Variants in SDCCAG8 observed in about 807,000 individuals in gnomAD.
SDCCAG8 encodes SHH signaling and ciliogenesis regulator SDCCAG8.
In SDCCAG8, 74 loss-of-function variants were observed where a neutral mutation model predicts 101.8. The ratio of observed to expected loss-of-function variants is 0.73; its 90% confidence interval spans 0.60 to 0.88. The LOEUF (loss-of-function observed/expected upper bound fraction) is 0.88, where lower values mean the gene tolerates loss of function less well. SDCCAG8 is among the 40% of genes least tolerant of loss of function. The probability of loss-of-function intolerance (pLI) is 0.00; values close to 1 mark genes in which losing one functional copy is unlikely to be tolerated. For synonymous variants in SDCCAG8, 281 were observed against 292.9 expected, an observed-to-expected ratio of 0.96 and a Z score of 0.41; for missense variants, 787 against 822.6, an observed-to-expected ratio of 0.96 and a Z score of 0.53.
intron 1 of SDCCAG8, among the ~76,000 whole-genome samples, chr1:243,268,406 G>C (rs1245313076): frequency 1.3e-5 from 2 of 152,128 alleles, no homozygotes; most frequent in African/African-American, 2.4e-5. Context: ...CCAAAACCAG[G>C]AATGCGTCTT....
chr1:243,480,702 T>TGGAG (rs1663485881), intron 16 of SDCCAG8, among the ~76,000 whole-genome samples: 1 of 23,422 alleles, frequency 4.3e-5, no homozygotes, highest in African/African-American at 1.8e-4. Flanking sequence ...ATGGGTGGGA[T>TGGAG]GGATGGATGG....
intron 15 of SDCCAG8, among the ~76,000 whole-genome samples, chr1:243,418,831 G>A (rs1183103264): frequency 6.6e-6 from 1 of 152,018 alleles, no homozygotes; most frequent in East Asian, 1.9e-4. Flanking sequence ...ACTTTAAATT[G>A]AACTATAGAA....
chr1:243,388,538 T>C (rs2078463892), intron 13 of SDCCAG8, among the ~76,000 whole-genome samples: 1 of 151,980 alleles, frequency 6.6e-6, no homozygotes, highest in Non-Finnish European at 1.5e-5. Flanking sequence ...ACCAAGTATC[T>C]GCACTGTTGC....
chr1:243,327,933 C>T (rs967159634), intron 9 of SDCCAG8, among the ~76,000 whole-genome samples: 6 of 152,266 alleles, frequency 3.9e-5, no homozygotes, highest in East Asian at 1.9e-4. Context: ...GATGGAGTCT[C>T]GCTCTGTCGC....
intron 13 of SDCCAG8, among the ~76,000 whole-genome samples, chr1:243,392,438 C>T (rs981968540): frequency 1.3e-5 from 2 of 152,144 alleles, no homozygotes; most frequent in African/African-American, 4.8e-5. Flanking sequence ...AGCTCTGTGC[C>T]CTAGGGGCTC....
intron 16 of SDCCAG8, among the ~76,000 whole-genome samples, chr1:243,434,469 T>C (rs543662082): frequency 1.3e-5 from 2 of 152,378 alleles, no homozygotes; most frequent in Admixed American, 1.3e-4. Context: ...TATATGTTGC[T>C]AGAAAAGAAT....
intron 16 of SDCCAG8, among the ~76,000 whole-genome samples, chr1:243,439,591 C>A (rs1170920689): frequency 6.8e-6 from 1 of 147,448 alleles, no homozygotes; most frequent in African/African-American, 2.5e-5. Flanking sequence ...CGCCACTGCA[C>A]CCCAGCCTGG....
chr1:243,256,428 G>T (rs1394067842), intron 1 of SDCCAG8, among the ~76,000 whole-genome samples, 188 bp downstream of exon 1: 1 of 152,232 alleles, frequency 6.6e-6, no homozygotes, highest in East Asian at 1.9e-4. Flanking sequence ...AAGCAACGAT[G>T]TTTCCTCAGA....
chr1:243,324,520 G>A (rs2074006495), intron 9 of SDCCAG8, among the ~76,000 whole-genome samples: 2 of 143,632 alleles, frequency 1.4e-5, no homozygotes, highest in Admixed American at 1.4e-4. Context: ...GCTCAGTGGT[G>A]CGGTCATATC....
At chr1:243,317,913 G>A in intron 9 of SDCCAG8, 1 of 387,864 alleles carries the variant, frequency 2.6e-6, no homozygotes, top group Non-Finnish European at 5.1e-6. Context: ...GGATAGCACT[G>A]GTCTAAACCA....
At position 243,314,671 on chromosome 1, in the gene SDCCAG8, GTGGATCTGTCTGTT is replaced by G. The variant is rs752456255; in HGVS notation, c.930-2081_930-2068del. ...AAGTTTGTTAGATTTTTATCCTGTT[GTGGATCTGTCTGTT>G]TGCATACTTATAAACACTGAGCTTT... On this transcript the variant is annotated intron_variant, in intron 8 of 17. Transcript: ENST00000366541. Among the ~76,000 whole-genome samples, 145 of 152,302 alleles carry G rather than the reference GTGGATCTGTCTGTT, an allele frequency of 9.5e-4. 1 individual carries two copies. The highest frequency in any genetic ancestry group is 3.4e-3 in the Middle Eastern group (1 of 294).
At chr1:243,368,402 T>C (rs1347710497) in intron 12 of SDCCAG8, among the ~76,000 whole-genome samples, 1 of 152,162 alleles carries the variant, frequency 6.6e-6, no homozygotes, top group East Asian at 1.9e-4. Flanking sequence ...CCACAAACAT[T>C]ATAAGACCAT....
intron 15 of SDCCAG8, among the ~76,000 whole-genome samples, 153 bp from the exon 16 acceptor site, chr1:243,426,274 T>C (rs758897349): frequency 1.9e-4 from 29 of 152,358 alleles, no homozygotes; most frequent in Admixed American, 1.1e-3. Flanking sequence ...TATCTTGCCA[T>C]TTCTGAAATA....
chr1:243,285,028 G>A (rs1233427196), intron 4 of SDCCAG8, among the ~76,000 whole-genome samples: 1 of 151,986 alleles, frequency 6.6e-6, no homozygotes, highest in African/African-American at 2.4e-5. Context: ...GACTACAGGC[G>A]TGTGCCATCA....
chr1:243,280,901 A>G (rs926479560), intron 4 of SDCCAG8, among the ~76,000 whole-genome samples: 1 of 152,230 alleles, frequency 6.6e-6, no homozygotes, highest in African/African-American at 2.4e-5. Flanking sequence ...GAAGTAGTCT[A>G]TAAATGTCAG....
chr1:243,321,469 A>G (rs911733864), intron 9 of SDCCAG8, among the ~76,000 whole-genome samples: 1 of 151,752 alleles, frequency 6.6e-6, no homozygotes, highest in Non-Finnish European at 1.5e-5. Context: ...TTTATAAATG[A>G]GAGCATATGG....
Position 243,286,343 on chromosome 1 carries a change from A to G in SDCCAG8, c.492A>G (p.Leu164=). ...VLENEGLQQQ[L]KSQRQEETLR... ...AAAACGAAGGGCTCCAGCAACAGCTAAAATCTCAAAGACAAGAGGAGACAC... is the reference window on the plus strand; with the variant it reads ...AAAACGAAGGGCTCCAGCAACAGCTGAAATCTCAAAGACAAGAGGAGACAC... Residue 164 remains leucine, a synonymous_variant, in exon 5 of 18, where the codon CTA becomes CTG. Coordinates refer to ENST00000366541, the MANE Select transcript of SDCCAG8 (RefSeq NM_006642.5). The G allele has an allele frequency of 6.2e-7, 1 of 1,613,982 alleles. No individual in the cohort carries two copies. Among genetic ancestry groups the G allele is most frequent in the Non-Finnish European group, 8.5e-7 (1 of 1,179,798 alleles).
At chr1:243,406,701 T>C (rs1229130369) in intron 13 of SDCCAG8, among the ~76,000 whole-genome samples, 1 of 152,066 alleles carries the variant, frequency 6.6e-6, no homozygotes, top group Non-Finnish European at 1.5e-5. Context: ...TCTCCAAGTC[T>C]CGTCTTTCTT....
chr1:243,472,164 A>C (rs1441472102), intron 16 of SDCCAG8, among the ~76,000 whole-genome samples: 1 of 152,214 alleles, frequency 6.6e-6, no homozygotes, highest in Non-Finnish European at 1.5e-5. Context: ...CAGTGTCTTT[A>C]GCTGCTGATA....
Sources: allele counts gnomAD v4.1 joint callset (sites outside exome capture counted in the v4.1 genomes callset), GRCh38; gene constraint gnomAD v4.1.1; transcripts MANE v1.5; gene names NCBI Gene and HGNC (gene_info 2026-07-23, HGNC 2026-07-21).